The following CCDC40 variants were observed in gnomAD, a reference collection of about 807,000 sequenced individuals.
CCDC40 encodes coiled-coil domain 40 molecular ruler complex subunit, also known as coiled-coil domain-containing protein 40.
A neutral mutation model predicts 124.5 loss-of-function variants in CCDC40; 104 were observed. The observed-to-expected ratio is 0.84, with a 90% confidence interval of 0.71 to 0.98. CCDC40 has a LOEUF of 0.98. CCDC40 is among the 50% of genes least tolerant of loss of function. CCDC40 has a pLI of 0.00. For synonymous variants in CCDC40, 580 were observed against 602.9 expected, an observed-to-expected ratio of 0.96 and a Z score of 0.56; for missense variants, 1,463 against 1,503.9, an observed-to-expected ratio of 0.97 and a Z score of 0.45.
intron 2 of CCDC40, among the ~76,000 whole-genome samples, chr17:80,038,620 A>T (rs972456891): frequency 3.3e-5 from 5 of 151,280 alleles, no homozygotes; most frequent in African/African-American, 1.2e-4. Context: ...AGGTCAAAAG[A>T]TCGAGACTAT....
intron 7 of CCDC40, among the ~76,000 whole-genome samples, chr17:80,053,833 C>T (rs1286453499): frequency 1.3e-5 from 2 of 152,172 alleles, no homozygotes; most frequent in East Asian, 1.9e-4. Flanking sequence ...CCTCGTGATC[C>T]GCCCACCTTG....
chr17:80,045,168 T>C (rs554870721), intron 3 of CCDC40, among the ~76,000 whole-genome samples: 296 of 152,282 alleles, frequency 1.9e-3, no homozygotes, highest in African/African-American at 6.5e-3. Flanking sequence ...GCGCCGAACA[T>C]ACCTGGGGCT....
At position 80,037,689 on chromosome 17, in the gene CCDC40, AGATATACAT is replaced by A. The variant is rs1405220224; in HGVS notation, c.30-433_30-425del. Among the ~76,000 whole-genome samples, 320 of 95,150 alleles carry A rather than the reference AGATATACAT, an allele frequency of 3.4e-3. 2 individuals carry two copies. Among genetic ancestry groups the A allele is most frequent in the Middle Eastern group, 9.1e-3 (2 of 220 alleles). 62.4% of individuals were successfully genotyped at this position (95,150 alleles called of 152,430 possible). ...GCTTGAATCTTTAATTTTTTAAAAAAGATATACATATATATATATATATATATATATTCC... is the reference window on the plus strand; with the variant it reads ...GCTTGAATCTTTAATTTTTTAAAAAAATATATATATATATATATATATTCC... On this transcript the variant is annotated intron_variant, in intron 1 of 19. Transcript: ENST00000397545.
intron 18 of CCDC40, 91 bp downstream of exon 18, chr17:80,095,542 G>A: frequency 1.6e-6 from 2 of 1,251,332 alleles, no homozygotes; most frequent in East Asian, 2.5e-5. Context: ...GGTCCGGGGT[G>A]AGGATGCAGA....
In CCDC40 at chr17:80,047,885, A is replaced by G. The variant is rs189941731; in HGVS notation, c.676+483A>G. 3.5e-3 allele frequency among the ~76,000 whole-genome samples: 534 copies of G among 152,320 alleles called. 1 individual carries two copies. Among genetic ancestry groups the G allele is most frequent in the African/African-American group, 0.012 (509 of 41,566 alleles). On this transcript the variant is annotated intron_variant, in intron 4 of 19. Transcript: ENST00000397545. ...TGTTGTGGACGTGGGAGGGCAGATC[A>G]GGCAGTTGCAAATTCCCTGTGGTAC...
At chr17:80,051,650 A>AAAAAAAAAAAG (rs1441077591) in intron 7 of CCDC40, among the ~76,000 whole-genome samples, 17 of 143,712 alleles carry the variant, frequency 1.2e-4, no homozygotes, top group African/African-American at 3.9e-4. Context: ...AAAAAAAAAA[A>AAAAAAAAAAAG]AAAAGAAAAA....
In CCDC40 at chr17:80,044,704, A is replaced by ATGTGTATATATATATATATAT. The variant is rs1485851817; in HGVS notation, c.553-2575_553-2574insTGTGTATATATATATATATAT. 1.5e-3 allele frequency among the ~76,000 whole-genome samples: 56 copies of ATGTGTATATATATATATATAT among 37,206 alleles called. 1 individual carries two copies. Among genetic ancestry groups the ATGTGTATATATATATATATAT allele is most frequent in the African/African-American group, 3.7e-3 (47 of 12,626 alleles). The allele number at this position is 37,206 out of a possible 152,430, so 24.4% of individuals were successfully genotyped here. A position where few individuals can be genotyped will look rare whatever the true frequency, so the allele number is the denominator to read the frequency against. The stretch of plus-strand genomic sequence containing the variant: ...TCTCAAAAACAAAACAAAACAAACA[A>ATGTGTATATATATATATATAT]ACAAAAAAAAAAATATATATATATA... On this transcript the variant is annotated intron_variant, in intron 3 of 19. Transcript: ENST00000397545.
At chr17:80,096,085 G>C (rs560179140) in intron 18 of CCDC40, among the ~76,000 whole-genome samples, 48 of 152,240 alleles carry the variant, frequency 3.2e-4, no homozygotes, top group Non-Finnish European at 4.4e-4. Context: ...CCCGCTGTGT[G>C]ACCTCGGAGT....
At chr17:80,070,822 A>G (rs557017410) in intron 10 of CCDC40, among the ~76,000 whole-genome samples, 2 of 152,340 alleles carry the variant, frequency 1.3e-5, no homozygotes, top group Admixed American at 6.5e-5. Flanking sequence ...GAGGCCTGTC[A>G]GGACTGCTGT....
chr17:80,070,590 G>A (rs1265919200), intron 10 of CCDC40, among the ~76,000 whole-genome samples: 5 of 152,104 alleles, frequency 3.3e-5, no homozygotes, highest in African/African-American at 1.2e-4. Flanking sequence ...AACAGAGCAA[G>A]ACCCTGTCTC....
intron 7 of CCDC40, among the ~76,000 whole-genome samples, chr17:80,052,411 G>T (rs1013948597): frequency 6.6e-6 from 1 of 152,158 alleles, no homozygotes; most frequent in Admixed American, 6.5e-5. Context: ...CACTCTAGCC[G>T]CACTGTCAGC....
chr17:80,090,332 C>T (rs1309840828), intron 17 of CCDC40: 2 of 639,910 alleles, frequency 3.1e-6, no homozygotes, highest in African/African-American at 2.4e-5. Flanking sequence ...CGCGCGCAGG[C>T]ACGTGCACGA....
At position 80,099,998 on chromosome 17, in the gene CCDC40, A is replaced by G. The variant is rs143626985; in HGVS notation, c.*223A>G. 1.7e-6 allele frequency: 1 copy of G among 578,900 alleles called. No individual in the cohort carries two copies. The highest frequency in any genetic ancestry group is 3.0e-5 in the East Asian group (1 of 33,582). 35.9% of individuals were successfully genotyped at this position (578,900 alleles called of 1,614,324 possible). A position where few individuals can be genotyped will look rare whatever the true frequency, so the allele number is the denominator to read the frequency against. ...AGCGTTTCCCATGGCATCCCATCGC[A>G]AAGACAGAGCCTGTGACTGCAGACC... On this transcript the variant is annotated 3_prime_UTR_variant, in exon 20 of 20. Coordinates refer to ENST00000397545, the MANE Select transcript of CCDC40 (RefSeq NM_017950.4).
chr17:80,094,247 GA>G (rs56368314), intron 17 of CCDC40, among the ~76,000 whole-genome samples: 6,804 of 133,512 alleles, frequency 0.051, 174 homozygotes, highest in East Asian at 0.13. Context: ...TGTCTCTACT[GA>G]AAAAAAAAAA....
chr17:80,053,644 G>A (rs150789764), intron 7 of CCDC40, among the ~76,000 whole-genome samples: 2,251 of 152,274 alleles, frequency 0.015, 56 homozygotes, highest in African/African-American at 0.052. Flanking sequence ...CCAGGCTGGA[G>A]TGCAGTGGCG....
At chr17:80,080,726 A>G (rs762664901) in intron 10 of CCDC40, among the ~76,000 whole-genome samples, 6 of 152,180 alleles carry the variant, frequency 3.9e-5, no homozygotes, top group Non-Finnish European at 8.8e-5. Context: ...TCACAGTACA[A>G]AAGAGTTGTC....
At position 80,099,416 on chromosome 17, in the gene CCDC40, G is replaced by A. The variant is rs192828672; in HGVS notation, c.3181-111G>A. On this transcript the variant is annotated intron_variant, in intron 19 of 19. Transcript: ENST00000397545. ...ACCTTCACGCCGTCCCTTTTCAGGC[G>A]TAGGTCTCGCCTCCTCTTCGGCATT... The A allele has an allele frequency of 1.0e-4, 130 of 1,290,238 alleles. 1 individual carries two copies. Among genetic ancestry groups the A allele is most frequent in the Non-Finnish European group, 1.3e-4 (113 of 902,026 alleles). 79.9% of individuals were successfully genotyped at this position (1,290,238 alleles called of 1,614,324 possible).
intron 17 of CCDC40, among the ~76,000 whole-genome samples, chr17:80,093,498 T>G (rs1360769204): frequency 6.6e-6 from 1 of 151,142 alleles, no homozygotes; most frequent in East Asian, 1.9e-4. Context: ...ATTTTAATAT[T>G]AGGCTGTTTT....
chr17:80,086,000 TA>T lies in CCDC40; in HGVS notation c.2236-2del, dbSNP rs1336208372. The T allele has an allele frequency of 6.2e-7, 1 of 1,613,800 alleles. No homozygotes were observed. The highest frequency in any genetic ancestry group is 2.2e-5 in the East Asian group (1 of 44,854). ...TTTGCTTTTTGATGAATATCCGGTC[TA>T]GGGGGAAGAAGTGGGGCCCCTGGAG... On this transcript the variant is annotated splice_acceptor_variant, in intron 13 of 19. Coordinates refer to ENST00000397545, the MANE Select transcript of CCDC40 (RefSeq NM_017950.4). LOFTEE classifies it high-confidence loss of function.
Sources: gnomAD v4.1 joint callset for allele counts (sites outside exome capture counted in the v4.1 genomes callset) on GRCh38, gnomAD v4.1.1 for gene constraint, MANE v1.5 for transcripts, NCBI Gene and HGNC (gene_info 2026-07-23, HGNC 2026-07-21) for gene names.